The following VPS13D variants were observed in gnomAD, a reference collection of about 807,000 sequenced individuals.
The protein encoded by VPS13D is vacuolar protein sorting 13 homolog D, also known as intermembrane lipid transfer protein VPS13D.
In VPS13D, 187 loss-of-function variants were observed where a neutral mutation model predicts 461.9. The ratio of observed to expected loss-of-function variants is 0.40; its 90% confidence interval spans 0.36 to 0.46. The LOEUF is 0.46. VPS13D is among the 20% of genes least tolerant of loss of function. VPS13D has a pLI of 0.60. For missense variants in VPS13D, 4,711 were observed against 5,364.9 expected, an observed-to-expected ratio of 0.88 and a Z score of 3.81; for synonymous variants, 1,951 against 1,986.3, an observed-to-expected ratio of 0.98 and a Z score of 0.47.
chr1:12,244,095 A>G (rs1569651094), intron 3 of VPS13D, 151 bp from the exon 4 acceptor site: 9 of 715,434 alleles, frequency 1.3e-5, no homozygotes, highest in Non-Finnish European at 1.8e-5. Context: ...CACTTGTTTC[A>G]CATGTGCAAG....
At chr1:12,309,597 A>G (rs549791060) in intron 27 of VPS13D, among the ~76,000 whole-genome samples, 2 of 151,564 alleles carry the variant, frequency 1.3e-5, no homozygotes, top group African/African-American at 4.8e-5. Flanking sequence ...TCTCTACTAA[A>G]AAAAAAATAC....
rs151192917 is a variant in VPS13D, at chr1:12,275,898, C to T, written c.2310C>T (p.Thr770=). Residue 770 remains threonine (T), a synonymous_variant, in exon 19 of 70, where the codon ACC becomes ACT. Coordinates refer to ENST00000620676, the MANE Select transcript of VPS13D (RefSeq NM_015378.4). ...ETQFSDDEYK[T]PLATPPNTPP... The stretch of plus-strand genomic sequence containing the variant: ...AGTTTAGTGATGATGAATATAAGAC[C>T]CCCCTGGCCACACCTCCTAACACCC... 5 of 1,613,210 alleles carry T rather than the reference C, an allele frequency of 3.1e-6. No individual in the cohort carries two copies. Among genetic ancestry groups the T allele is most frequent in the Admixed American group, 1.7e-5 (1 of 59,910 alleles).
chr1:12,336,686 C>T (rs1435500965), intron 39 of VPS13D: 1 of 152,192 alleles, frequency 6.6e-6, no homozygotes, highest in Non-Finnish European at 1.5e-5. Context: ...TTCTGTCTGC[C>T]TTGTACTTCT....
At chr1:12,304,477 C>T in intron 25 of VPS13D, 29 bp from the exon 26 acceptor site, 3 of 1,585,372 alleles carry the variant, frequency 1.9e-6, no homozygotes, top group African/African-American at 2.7e-5. Context: ...CCATTTCCTG[C>T]ATTCTAGTTT....
intron 17 of VPS13D, among the ~76,000 whole-genome samples, chr1:12,272,228 A>G (rs932505296): frequency 2.0e-5 from 3 of 152,176 alleles, no homozygotes; most frequent in Non-Finnish European, 4.4e-5. Flanking sequence ...CTCAGGTGAC[A>G]TGGAGGTGCA....
intron 23 of VPS13D, among the ~76,000 whole-genome samples, chr1:12,292,631 G>T (rs573851582): frequency 2.6e-5 from 4 of 152,008 alleles, no homozygotes; most frequent in African/African-American, 4.8e-5. Flanking sequence ...GGGAGATAGG[G>T]TTTCACCATG....
chr1:12,380,024 C>T (rs1425001533), intron 57 of VPS13D, among the ~76,000 whole-genome samples: 1 of 152,174 alleles, frequency 6.6e-6, no homozygotes, highest in African/African-American at 2.4e-5. Flanking sequence ...CCGCCTTGGC[C>T]TCCCAAAGTG....
chr1:12,415,107 G>T lies in VPS13D; in HGVS notation c.12051G>T (p.Gly4017=). The change falls in exon 64 of 70, where the codon GGG becomes GGT. Residue 4017 remains glycine (G), a synonymous_variant. Coordinates refer to ENST00000620676, the MANE Select transcript of VPS13D (RefSeq NM_015378.4). ...ATTAGGCCCTAAAAAGCACCTTGGGGTTTCCTTTGATACGGTTTGAAGACG... is the reference window on the plus strand; with the variant it reads ...ATTAGGCCCTAAAAAGCACCTTGGGTTTTCCTTTGATACGGTTTGAAGACG... ...LDLKALKSTL[G]FPLIRFEDAV... The T allele has an allele frequency of 6.2e-7, 1 of 1,613,952 alleles. No individual in the cohort carries two copies. Among genetic ancestry groups the T allele is most frequent in the Non-Finnish European group, 8.5e-7 (1 of 1,179,960 alleles).
chr1:12,363,180 G>A lies in VPS13D; in HGVS notation c.10381G>A (p.Val3461Ile), dbSNP rs535010889. ...DQLLCVRLMD[V>I]PNCIWSGGFE... ...GCTATTGTGTGTCAGACTGATGGAC[G>A]TTCCCAATTGTATTTGGTCTGGAGG... The change falls in exon 52 of 70, where the codon GTT (valine) becomes ATT (isoleucine). Residue 3461 changes from valine (V) to isoleucine (I), a missense_variant. This residue lies in a region of VPS13D where 4,411 missense variants were observed against 4,937.8 expected (regional missense o/e 0.89). Transcript: ENST00000620676. 1.8e-4 allele frequency: 287 copies of A among 1,614,182 alleles called. 3 individuals carry two copies. The South Asian group carries it at 2.7e-3, about 15-fold the overall frequency.
chr1:12,328,673 C>T (rs959634943), intron 36 of VPS13D, among the ~76,000 whole-genome samples: 7 of 151,954 alleles, frequency 4.6e-5, no homozygotes, highest in Non-Finnish European at 8.8e-5. Flanking sequence ...CCCGAGTAGC[C>T]GGGATTACAG....
intron 21 of VPS13D, 116 bp from the exon 22 acceptor site, chr1:12,288,107 A>G: frequency 1.2e-6 from 1 of 842,038 alleles, no homozygotes; most frequent in Non-Finnish European, 1.9e-6. Context: ...TGTTAAAAGC[A>G]TTACCTTCAA....
At chr1:12,431,037 C>T (rs567685006) in intron 65 of VPS13D, among the ~76,000 whole-genome samples, 3 of 152,298 alleles carry the variant, frequency 2.0e-5, no homozygotes, top group African/African-American at 7.2e-5. Flanking sequence ...AAGAATTTGC[C>T]ACTTGTTTCT....
At position 12,299,259 on chromosome 1, in the gene VPS13D, C is replaced by T. The variant is rs1363550475; in HGVS notation, c.6091C>T (p.Pro2031Ser). 1 of 1,613,846 alleles carries T rather than the reference C, an allele frequency of 6.2e-7. No individual in the cohort carries two copies. Among genetic ancestry groups the T allele is most frequent in the Non-Finnish European group, 8.5e-7 (1 of 1,179,974 alleles). Residue 2031 changes from proline (P) to serine (S), a missense_variant, in exon 25 of 70, where the codon CCC becomes TCC. Coordinates refer to ENST00000620676, the MANE Select transcript of VPS13D (RefSeq NM_015378.4). The surrounding 1 kb of genome is among the most constrained non-coding windows in gnomAD (Gnocchi z 4.2). Reference sequence around the variant, plus strand: ...TCTCCTGGATATTGAGGCTGGTGCTCCCGTTCTCTTGATCCCAGAAAGTTC... The same window carrying T: ...TCTCCTGGATATTGAGGCTGGTGCTTCCGTTCTCTTGATCCCAGAAAGTTC... ...RVLLDIEAGA[P>S]VLLIPESSRS...
intron 65 of VPS13D, among the ~76,000 whole-genome samples, chr1:12,444,115 A>G (rs1344861271): frequency 6.6e-6 from 1 of 152,192 alleles, no homozygotes; most frequent in Non-Finnish European, 1.5e-5. Context: ...TGCTGGGATT[A>G]CAGGTGTGAG....
At chr1:12,241,994 C>T (rs763908111) in intron 2 of VPS13D, among the ~76,000 whole-genome samples, 11 of 151,760 alleles carry the variant, frequency 7.2e-5, no homozygotes, top group Non-Finnish European at 8.8e-5. Context: ...TTAGCCTAAG[C>T]AAGGGGTCAG....
intron 27 of VPS13D, among the ~76,000 whole-genome samples, chr1:12,309,586 G>A (rs1215252759): frequency 6.6e-5 from 10 of 150,398 alleles, no homozygotes; most frequent in Non-Finnish European, 1.0e-4. Context: ...GTGAAACCCC[G>A]TCTCTACTAA....
At chr1:12,457,194 A>G (rs1244340790) in intron 66 of VPS13D, among the ~76,000 whole-genome samples, 3 of 152,150 alleles carry the variant, frequency 2.0e-5, no homozygotes, top group African/African-American at 7.2e-5. Flanking sequence ...TTTTCCAACC[A>G]CCATCCTTCA....
At chr1:12,393,936 C>G (rs1340095515) in intron 60 of VPS13D, among the ~76,000 whole-genome samples, 2 of 152,164 alleles carry the variant, frequency 1.3e-5, no homozygotes, top group Non-Finnish European at 1.5e-5. Context: ...TCCATAAGCC[C>G]CTACTTTAAC....
chr1:12,508,914 C>T lies in VPS13D; in HGVS notation c.13057C>T (p.Leu4353Phe), dbSNP rs200344317. 38 of 1,614,016 alleles carry T rather than the reference C, an allele frequency of 2.4e-5. 1 individual carries two copies. The highest frequency in any genetic ancestry group is 2.5e-6 in the Non-Finnish European group (3 of 1,180,002). Residue 4353 changes from leucine to phenylalanine, a missense_variant, in exon 70 of 70, where the codon CTT (leucine) becomes TTT (phenylalanine). Leu to Phe is a conservative substitution (Grantham distance 22, BLOSUM62 0). Transcript: ENST00000620676. ...KPMVHVKSEVLAVKLSQEINY... is the reference protein window; with the variant it reads ...KPMVHVKSEVFAVKLSQEINY... Reference sequence around the variant, plus strand: ...TTAGGTCCATGTGAAATCTGAGGTCCTTGCTGTCAAGTTGTCACAAGAAAT... The same window carrying T: ...TTAGGTCCATGTGAAATCTGAGGTCTTTGCTGTCAAGTTGTCACAAGAAAT...
Sources: gnomAD v4.1 joint callset for allele counts (sites outside exome capture counted in the v4.1 genomes callset) on GRCh38, gnomAD v4.1.1 for gene constraint, gnomAD v4.1.1 regional missense constraint, Gnocchi (gnomAD v3.1) non-coding constraint, MANE v1.5 for transcripts, NCBI Gene and HGNC (gene_info 2026-07-23, HGNC 2026-07-21) for gene names.